Variants in CARM1 observed in about 807,000 individuals in gnomAD.
CARM1 encodes the protein histone-arginine methyltransferase CARM1.
In CARM1, 14 loss-of-function variants were observed where a neutral mutation model predicts 72.7. The observed-to-expected ratio is 0.19, with a 90% CI of 0.13 to 0.30. CARM1 has a LOEUF of 0.30. CARM1 is among the 10% of genes least tolerant of loss of function. The pLI, the probability that CARM1 is intolerant of heterozygous loss-of-function variation, is 1.00. For synonymous variants in CARM1, 333 were observed against 345.5 expected, an observed-to-expected ratio of 0.96 and a Z score of 0.40; for missense variants, 432 against 833.7, an observed-to-expected ratio of 0.52 and a Z score of 5.93.
intron 1 of CARM1, among the ~76,000 whole-genome samples, chr19:10,873,494 C>T (rs2073835970): frequency 6.6e-6 from 1 of 151,014 alleles, no homozygotes; most frequent in Non-Finnish European, 1.5e-5. Flanking sequence ...GAGGCAGAGG[C>T]AGGAGAATCA....
chr19:10,878,522 A>G (rs1336872779), intron 1 of CARM1, among the ~76,000 whole-genome samples: 2 of 152,186 alleles, frequency 1.3e-5, no homozygotes, highest in Admixed American at 1.3e-4. Flanking sequence ...ACCCCAATTT[A>G]CTGGTGGAAA....
intron 1 of CARM1, among the ~76,000 whole-genome samples, chr19:10,902,783 T>C (rs1159653456): frequency 2.0e-5 from 3 of 152,070 alleles, no homozygotes; most frequent in Non-Finnish European, 4.4e-5. Flanking sequence ...AATATTTTTA[T>C]ATTTTTAGTA....
chr19:10,914,164 T>C, intron 6 of CARM1, 110 bp downstream of exon 6: 1 of 1,128,484 alleles, frequency 8.9e-7, no homozygotes, highest in Non-Finnish European at 1.3e-6. Context: ...GCCCGGGGTG[T>C]AGGGAAGCCT....
rs1184482690 is a variant in CARM1, at chr19:10,915,757, G to A, written c.848-650G>A. Among the ~76,000 whole-genome samples, 1 of 152,142 alleles carries A rather than the reference G, an allele frequency of 6.6e-6. No homozygotes were observed. The highest frequency in any genetic ancestry group is 2.4e-5 in the African/African-American group (1 of 41,442). On this transcript the variant is annotated intron_variant, in intron 6 of 15. Transcript: ENST00000327064. The surrounding 1 kb of genome is among the most constrained non-coding windows in gnomAD (Gnocchi z 4.6). ...TGCTCCTTGGGGCAGGCGGGGCTGC[G>A]GGGCCCTGATCCTCCCTGCCACTGG...
intron 1 of CARM1, among the ~76,000 whole-genome samples, chr19:10,887,420 C>A (rs2073949914): frequency 6.6e-6 from 1 of 152,146 alleles, no homozygotes; most frequent in Non-Finnish European, 1.5e-5. Context: ...GCGAAGCAGC[C>A]TGCAGGTCCT....
intron 1 of CARM1, among the ~76,000 whole-genome samples, chr19:10,872,690 G>A (rs2073828883): frequency 6.6e-6 from 1 of 152,114 alleles, no homozygotes; most frequent in Admixed American, 6.6e-5. Flanking sequence ...TCACTGGGGG[G>A]AAAAGAAAAT....
intron 1 of CARM1, among the ~76,000 whole-genome samples, chr19:10,886,658 C>T (rs1346681420): frequency 2.0e-5 from 3 of 151,912 alleles, no homozygotes; most frequent in Non-Finnish European, 4.4e-5. Flanking sequence ...AAACCCCATC[C>T]CTACTAAAAA....
chr19:10,916,512 G>T lies in CARM1; in HGVS notation c.938+15G>T, dbSNP rs747337666. 1.9e-6 allele frequency: 3 copies of T among 1,599,504 alleles called. No individual in the cohort carries two copies. In the South Asian group the frequency reaches 3.3e-5, roughly 18 times the overall value. Reference sequence around the variant, plus strand: ...GCCAACTTCTGGTGAGTGTGCCCTGGGTGTCCCGCCTGGGCCCCACAGCCT... The same window carrying T: ...GCCAACTTCTGGTGAGTGTGCCCTGTGTGTCCCGCCTGGGCCCCACAGCCT... On this transcript the variant is annotated intron_variant, in intron 7 of 15. Transcript: ENST00000327064. This position sits in a 1 kb window ranked among gnomAD's most constrained non-coding sequence, Gnocchi z 4.4.
At chr19:10,883,620 A>T (rs955595905) in intron 1 of CARM1, among the ~76,000 whole-genome samples, 2 of 152,194 alleles carry the variant, frequency 1.3e-5, no homozygotes, top group Non-Finnish European at 2.9e-5. Flanking sequence ...TGGTGCGATC[A>T]TAGCTCACTG....
chr19:10,897,666 CCCTTT>C (rs1238311593), intron 1 of CARM1, among the ~76,000 whole-genome samples: 1 of 152,190 alleles, frequency 6.6e-6, no homozygotes. Context: ...AGATCCCAGT[CCCTTT>C]CCTTTTACTG....
At chr19:10,873,955 T>C (rs142602535) in intron 1 of CARM1, among the ~76,000 whole-genome samples, 2,035 of 152,132 alleles carry the variant, frequency 0.013, 28 homozygotes, top group Middle Eastern at 0.024. Flanking sequence ...ATTTTAGTCT[T>C]ATAGATGTAT....
chr19:10,879,290 A>G (rs1433094353), intron 1 of CARM1, among the ~76,000 whole-genome samples: 3 of 152,216 alleles, frequency 2.0e-5, no homozygotes, highest in East Asian at 3.9e-4. Context: ...TTCAGCTTTC[A>G]TTTTGTTGGC....
intron 1 of CARM1, among the ~76,000 whole-genome samples, chr19:10,879,061 C>T (rs2073883269): frequency 6.6e-6 from 1 of 152,182 alleles, no homozygotes; most frequent in African/African-American, 2.4e-5. Context: ...CCCGCCTCGG[C>T]CTCCCAAAGT....
chr19:10,879,260 C>T (rs548782187), intron 1 of CARM1, among the ~76,000 whole-genome samples: 41 of 152,294 alleles, frequency 2.7e-4, no homozygotes, highest in Middle Eastern at 3.4e-3. Context: ...GAAAGGTTCC[C>T]GGTAGCTGAT....
At chr19:10,885,892 T>C (rs59080007) in intron 1 of CARM1, among the ~76,000 whole-genome samples, 83,424 of 105,038 alleles carry the variant, frequency 0.79, 31,583 homozygotes, top group African/African-American at 0.88. Context: ...TCCCTCATTT[T>C]TTTTTTTTTT....
chr19:10,873,854 T>C (rs1370733775), intron 1 of CARM1, among the ~76,000 whole-genome samples: 1 of 151,796 alleles, frequency 6.6e-6, no homozygotes, highest in Non-Finnish European at 1.5e-5. Flanking sequence ...TTAGCCAGGA[T>C]GGTCTTGATC....
chr19:10,878,177 G>C (rs2073877273), intron 1 of CARM1, among the ~76,000 whole-genome samples: 1 of 152,112 alleles, frequency 6.6e-6, no homozygotes, highest in East Asian at 1.9e-4. Context: ...AGCTAAGAAA[G>C]GCTTTTACAG....
intron 2 of CARM1, 90 bp downstream of exon 2, chr19:10,905,166 C>A: frequency 6.7e-7 from 1 of 1,485,862 alleles, no homozygotes; most frequent in Non-Finnish European, 9.2e-7. Context: ...TGAGGGGTGG[C>A]CCGTGCATCC....
chr19:10,887,995 G>A (rs963459857), intron 1 of CARM1, among the ~76,000 whole-genome samples: 17 of 152,188 alleles, frequency 1.1e-4, no homozygotes, highest in Non-Finnish European at 2.4e-4. Flanking sequence ...GGTCCCAGTC[G>A]CTCTGGGAGA....
Sources: gnomAD v4.1 joint callset for allele counts (sites outside exome capture counted in the v4.1 genomes callset) on GRCh38, gnomAD v4.1.1 for gene constraint, Gnocchi (gnomAD v3.1) non-coding constraint, MANE v1.5 for transcripts, NCBI Gene and HGNC (gene_info 2026-07-23, HGNC 2026-07-21) for gene names.